Variants in TLL1 observed in about 807,000 individuals in gnomAD.
The protein encoded by TLL1 is tolloid-like protein 1.
TLL1 carries 49 observed loss-of-function variants against 128.2 expected under a neutral mutation model. The observed-to-expected ratio is 0.38, with a 90% CI of 0.30 to 0.48. The LOEUF (loss-of-function observed/expected upper bound fraction) is 0.48, where lower values mean the gene tolerates loss of function less well. Among genes scored for constraint, TLL1 ranks in the 20% least tolerant of loss-of-function variants. TLL1 has a pLI of 0.96. For synonymous variants in TLL1, 454 were observed against 418.8 expected, an observed-to-expected ratio of 1.08 and a Z score of -1.03; for missense variants, 1,123 against 1,242.0, an observed-to-expected ratio of 0.90 and a Z score of 1.44.
chr4:166,021,632 C>T (rs1738239180), intron 8 of TLL1, among the ~76,000 whole-genome samples: 1 of 152,010 alleles, frequency 6.6e-6, no homozygotes, highest in African/African-American at 2.4e-5. Flanking sequence ...GAGGTTTCAC[C>T]ATGTTGGCCA....
rs763798446 is a variant in TLL1 at position 166,042,148 on chromosome 4, G to A, written c.1378+5G>A. 2 of 1,587,664 alleles carry A rather than the reference G, an allele frequency of 1.3e-6. No homozygotes were observed. The highest frequency in any genetic ancestry group is 1.7e-6 in the Non-Finnish European group (2 of 1,156,650). On this transcript the variant is annotated splice_donor_5th_base_variant and intron_variant, in intron 11 of 20. Transcript: ENST00000061240. ...GCTTTGCAGCTGTCTATGAAGGTAA[G>A]TCACATTGAATTTTAGAGAGTAGTT... is the stretch of plus-strand genomic sequence containing the variant.
At chr4:165,978,861 C>A (rs1383199648) in intron 1 of TLL1, among the ~76,000 whole-genome samples, 3 of 152,146 alleles carry the variant, frequency 2.0e-5, no homozygotes, top group Admixed American at 6.5e-5. Context: ...TAGTTGTCAT[C>A]CTTTATTTCC....
intron 1 of TLL1, among the ~76,000 whole-genome samples, chr4:165,946,026 A>G (rs995590841): frequency 4.6e-5 from 7 of 152,144 alleles, no homozygotes; most frequent in Non-Finnish European, 1.0e-4. Context: ...GAGAGAAATG[A>G]AGCCTGAGAA....
chr4:166,043,069 A>G (rs1739309631), intron 11 of TLL1, among the ~76,000 whole-genome samples: 1 of 151,506 alleles, frequency 6.6e-6, no homozygotes, highest in Non-Finnish European at 1.5e-5. Flanking sequence ...TTCCTTGACC[A>G]TTATCTAATA....
rs114490753 is a variant in TLL1, at chr4:165,943,465, T to C, written c.170-45916T>C. On this transcript the variant is annotated intron_variant, in intron 1 of 20. Transcript: ENST00000061240. ...TATATTTTTTATTTCTTTCTTATAC[T>C]CTTCAATATGATTTTTCTTAAGCAT... Among the ~76,000 whole-genome samples the C allele has an allele frequency of 5.8e-3, 889 of 152,114 alleles. 8 individuals are homozygous for C. Among genetic ancestry groups the C allele is most frequent in the African/African-American group, 0.021 (862 of 41,538 alleles).
intron 1 of TLL1, among the ~76,000 whole-genome samples, chr4:165,954,281 T>C (rs1333490660): frequency 6.6e-6 from 1 of 152,080 alleles, no homozygotes; most frequent in African/African-American, 2.4e-5. Flanking sequence ...CCAGAACACA[T>C]ACACGCTTGA....
intron 18 of TLL1, among the ~76,000 whole-genome samples, chr4:166,084,090 T>TGG (rs549539956): frequency 3.2e-4 from 49 of 152,264 alleles, no homozygotes; most frequent in African/African-American, 1.1e-3. Context: ...CTAGCAGGCG[T>TGG]GGGGTGATAT....
In TLL1 at chr4:166,042,103, C is replaced by T; in HGVS notation, c.1338C>T (p.Ser446=). Residue 446 remains serine (S), a synonymous_variant, in exon 11 of 21, where the codon AGC becomes AGT. Coordinates refer to ENST00000061240, the MANE Select transcript of TLL1 (RefSeq NM_012464.5). ...GAATGTGGATTGAGTTTCGTAGCAG[C>T]AGTAATTGGGTAGGAAAAGGCTTTG... ...DSRMWIEFRS[S]SNWVGKGFAA... is the part of the protein sequence containing the mutation. The T allele has an allele frequency of 1.9e-6, 3 of 1,612,208 alleles. No individual in the cohort carries two copies. The highest frequency in any genetic ancestry group is 1.1e-5 in the South Asian group (1 of 91,058).
At chr4:166,003,083 A>G (rs1337041621) in intron 5 of TLL1, among the ~76,000 whole-genome samples, 2 of 152,164 alleles carry the variant, frequency 1.3e-5, no homozygotes, top group Admixed American at 6.6e-5. Context: ...ATCATGATAT[A>G]AGTGTCATCA....
intron 8 of TLL1, among the ~76,000 whole-genome samples, chr4:166,015,430 A>G (rs1201241456): frequency 2.0e-5 from 3 of 152,082 alleles, no homozygotes; most frequent in Non-Finnish European, 2.9e-5. Flanking sequence ...GCAGAAAATC[A>G]GAGAAATGAT....
At chr4:165,910,652 C>G (rs889666188) in intron 1 of TLL1, among the ~76,000 whole-genome samples, 5 of 152,150 alleles carry the variant, frequency 3.3e-5, no homozygotes, top group Non-Finnish European at 2.9e-5. Context: ...AATCAGTTAA[C>G]TGAAATGCTC....
At chr4:166,054,444 T>C (rs1164039391) in intron 12 of TLL1, among the ~76,000 whole-genome samples, 1 of 152,180 alleles carries the variant, frequency 6.6e-6, no homozygotes, top group African/African-American at 2.4e-5. Context: ...CTTTAAGTTT[T>C]AGGGTACATG....
chr4:165,996,760 T>C (rs1219705261), intron 5 of TLL1, among the ~76,000 whole-genome samples: 1 of 151,710 alleles, frequency 6.6e-6, no homozygotes, highest in Non-Finnish European at 1.5e-5. Flanking sequence ...ATTTTAGAAA[T>C]GTGAAAACTA....
At chr4:166,085,863 AT>A (rs1398081462) in intron 18 of TLL1, among the ~76,000 whole-genome samples, 1 of 152,114 alleles carries the variant, frequency 6.6e-6, no homozygotes, top group Non-Finnish European at 1.5e-5. Flanking sequence ...TTATGAGACA[AT>A]TTTTTAAATC....
chr4:166,045,387 A>ATTC (rs1739418654), intron 12 of TLL1, among the ~76,000 whole-genome samples: 1 of 152,136 alleles, frequency 6.6e-6, no homozygotes, highest in African/African-American at 2.4e-5. Context: ...AACATCCTTA[A>ATTC]TTCTACCTTT....
At chr4:165,920,520 T>C (rs950281205) in intron 1 of TLL1, among the ~76,000 whole-genome samples, 3 of 152,092 alleles carry the variant, frequency 2.0e-5, no homozygotes, top group Non-Finnish European at 4.4e-5. Flanking sequence ...ACAATAGAAA[T>C]GGTAGAAATA....
At chr4:165,888,621 A>G (rs1579444125) in intron 1 of TLL1, among the ~76,000 whole-genome samples, 1 of 151,906 alleles carries the variant, frequency 6.6e-6, no homozygotes, top group Middle Eastern at 3.4e-3. Context: ...TGAGTGTATT[A>G]GGCTTCTGTC....
At chr4:165,947,393 ATAT>A (rs1734306369) in intron 1 of TLL1, among the ~76,000 whole-genome samples, 1 of 152,076 alleles carries the variant, frequency 6.6e-6, no homozygotes, top group Non-Finnish European at 1.5e-5. Context: ...AGAGGCACAA[ATAT>A]TCAGTCCGTA....
chr4:166,089,237 C>G (rs1029960475), intron 18 of TLL1, among the ~76,000 whole-genome samples: 4 of 152,008 alleles, frequency 2.6e-5, no homozygotes, highest in African/African-American at 9.7e-5. Flanking sequence ...GTAAAGAACT[C>G]TAGGTGCGGT....
Sources: gnomAD v4.1 joint callset for allele counts (sites outside exome capture counted in the v4.1 genomes callset) on GRCh38, gnomAD v4.1.1 for gene constraint, MANE v1.5 for transcripts, NCBI Gene and HGNC (gene_info 2026-07-23, HGNC 2026-07-21) for gene names.